The following ABCA3 variants were observed in gnomAD, a reference collection of about 807,000 sequenced individuals.
The protein encoded by ABCA3 is phospholipid-transporting ATPase ABCA3.
Under a neutral mutation model 172.8 loss-of-function variants are expected in ABCA3, and 88 were observed. The ratio of observed to expected loss-of-function variants is 0.51; its 90% CI spans 0.43 to 0.61. The LOEUF (loss-of-function observed/expected upper bound fraction) is 0.61. Ranked by LOEUF, ABCA3 falls within the 20% of genes least tolerant of loss-of-function variation. The probability of loss-of-function intolerance (pLI) is 0.00; values close to 1 mark genes in which losing one functional copy is unlikely to be tolerated. For synonymous variants in ABCA3, 1,066 were observed against 983.8 expected, an observed-to-expected ratio of 1.08 and a Z score of -1.56; for missense variants, 2,164 against 2,301.0, an observed-to-expected ratio of 0.94 and a Z score of 1.22.
At position 2,286,892 on chromosome 16, in the gene ABCA3, G is replaced by A. The variant is rs761182287; in HGVS notation, c.3080C>T (p.Ala1027Val). The A allele has an allele frequency of 5.0e-6, 8 of 1,613,996 alleles. No individual in the cohort carries two copies. The Admixed American group carries it at 6.7e-5, about 13-fold the overall frequency. Residue 1027 changes from alanine to valine, a missense_variant, in exon 22 of 33, where the codon GCG (alanine) becomes GTG (valine). This residue lies in a region of ABCA3 where 26 missense variants were observed against 49.5 expected (regional missense o/e 0.53). Transcript: ENST00000301732. This position sits in a 1 kb window ranked among gnomAD's most constrained non-coding sequence, Gnocchi z 5.2. ...GGFNERCLVA[A>V]SFRDVGERTV... The stretch of plus-strand genomic sequence containing the variant: ...GCGCTCTCCCACATCTCTGAAGGAC[G>A]CTGCCACAAGGCACCGCTCATTAAA...
intron 18 of ABCA3, among the ~76,000 whole-genome samples, chr16:2,293,338 T>C (rs1360866875): frequency 6.7e-6 from 1 of 148,770 alleles, no homozygotes; most frequent in East Asian, 2.0e-4. Flanking sequence ...GGCAATGAGC[T>C]ACCAAGCTAC....
In ABCA3 at chr16:2,287,831, C is replaced by T. The variant is rs190490648; in HGVS notation, c.3004+195G>A. Among the ~76,000 whole-genome samples, 21 of 152,314 alleles carry T rather than the reference C, an allele frequency of 1.4e-4. No individual in the cohort carries two copies. The East Asian group carries it at 2.9e-3, about 21-fold the overall frequency. ...TGATCTGCCACCCAGGGGACATCCG[C>T]AATGTTTCCAGGCATGTTTGATGGT... On this transcript the variant is annotated intron_variant, in intron 21 of 32. Transcript: ENST00000301732. The surrounding 1 kb of genome is among the most constrained non-coding windows in gnomAD (Gnocchi z 4.1).
rs1384419997 is a variant in ABCA3 at position 2,292,144 on chromosome 16, G to A, written c.2509C>T (p.Leu837Phe). 9 of 1,612,800 alleles carry A rather than the reference G, an allele frequency of 5.6e-6. No homozygotes were observed. Among genetic ancestry groups the A allele is most frequent in the Non-Finnish European group, 7.6e-6 (9 of 1,179,014 alleles). The change falls in exon 19 of 33, where the codon CTT becomes TTT. Residue 837 changes from leucine to phenylalanine, a missense_variant. This residue lies in a region of ABCA3 where 1,343 missense variants were observed against 1,369.6 expected (regional missense o/e 0.98). Transcript: ENST00000301732. ...CGGAAATGCGCATTTACTGACCGAA[G>A]GAAGACTTCCTCCATGGTGGTGATG... is the stretch of plus-strand genomic sequence containing the variant. Reference protein sequence around the residue: ...ASITTMEEVFLRVGKLVDSSM... With the variant: ...ASITTMEEVFFRVGKLVDSSM...
chr16:2,320,079 CAAA>C (rs951183106), intron 7 of ABCA3, among the ~76,000 whole-genome samples: 1 of 149,910 alleles, frequency 6.7e-6, no homozygotes, highest in Non-Finnish European at 1.5e-5. Flanking sequence ...ACACAACACA[CAAA>C]AAAAATCACA....
intron 19 of ABCA3, among the ~76,000 whole-genome samples, 166 bp downstream of exon 19, chr16:2,291,974 G>A (rs1439984724): frequency 2.6e-5 from 4 of 152,140 alleles, no homozygotes; most frequent in Non-Finnish European, 5.9e-5. Flanking sequence ...TCGGGAGGCT[G>A]AGGCAGGAGA....
At position 2,308,572 on chromosome 16, in the gene ABCA3, G is replaced by A; in HGVS notation, c.1163C>T (p.Pro388Leu). The change falls in exon 11 of 33, where the codon CCC becomes CTC. Residue 388 changes from proline to leucine, a missense_variant. Pro to Leu is a moderately conservative substitution (Grantham distance 98). This residue lies in a region of ABCA3 where 1,343 missense variants were observed against 1,369.6 expected (regional missense o/e 0.98). Transcript: ENST00000301732. ...GGFLYFFTYI[P>L]YFFVAPRYNW... ...GTACCGAGGGGCCACGAAGAAGTAGGGGATGTAGGTGAAGAAGTAGAGGAA... is the reference window on the plus strand; with the variant it reads ...GTACCGAGGGGCCACGAAGAAGTAGAGGATGTAGGTGAAGAAGTAGAGGAA... The A allele has an allele frequency of 1.2e-6, 2 of 1,614,232 alleles. No individual in the cohort carries two copies. The highest frequency in any genetic ancestry group is 8.5e-7 in the Non-Finnish European group (1 of 1,180,030).
At chr16:2,303,463 G>C (rs968709905) in intron 12 of ABCA3, among the ~76,000 whole-genome samples, 1 of 151,384 alleles carries the variant, frequency 6.6e-6, no homozygotes, top group African/African-American at 2.4e-5. Flanking sequence ...GTGGAGATGG[G>C]ATTTCACCTT....
intron 5 of ABCA3, among the ~76,000 whole-genome samples, 153 bp downstream of exon 5, chr16:2,325,857 G>A (rs1428728884): frequency 6.6e-6 from 1 of 152,224 alleles, no homozygotes; most frequent in Non-Finnish European, 1.5e-5. Context: ...CCTTTTACAG[G>A]TTGAAGTAGT....
rs770497413 is a variant in ABCA3, at chr16:2,277,713, A to G, written c.4910-43T>C. ...GGTGTTGCTGTGAGCGCCGGGCTGG[A>G]GGATCGGGGAGGGTGCCTGGGTGCT... On this transcript the variant is annotated intron_variant, in intron 31 of 32. Coordinates refer to ENST00000301732, the MANE Select transcript of ABCA3 (RefSeq NM_001089.3). This position sits in a 1 kb window ranked among gnomAD's most constrained non-coding sequence, Gnocchi z 5.3. 10 of 1,610,240 alleles carry G rather than the reference A, an allele frequency of 6.2e-6. No individual in the cohort carries two copies. The highest frequency in any genetic ancestry group is 1.1e-5 in the South Asian group (1 of 90,806).
At chr16:2,296,951 G>A (rs193134615) in intron 17 of ABCA3, among the ~76,000 whole-genome samples, 1 of 152,352 alleles carries the variant, frequency 6.6e-6, no homozygotes, top group African/African-American at 2.4e-5. Context: ...ACAGTCAGAG[G>A]TCTGGGCCCA....
intron 10 of ABCA3, among the ~76,000 whole-genome samples, chr16:2,312,779 G>A (rs1475117251): frequency 1.3e-5 from 2 of 151,654 alleles, no homozygotes; most frequent in Non-Finnish European, 2.9e-5. Context: ...TGATCTGCCC[G>A]CCTCGGCCTC....
chr16:2,285,882 A>T lies in ABCA3; in HGVS notation c.3279-236T>A, dbSNP rs186080317. 2.8e-4 allele frequency among the ~76,000 whole-genome samples: 43 copies of T among 151,996 alleles called. No homozygotes were observed. The highest frequency in any genetic ancestry group is 9.9e-4 in the African/African-American group (41 of 41,460). ...GACAATGGCAGCGTCACTCTCCCTC[A>T]TCACCCCGCTCCCAGCCCTCAGCCC... On this transcript the variant is annotated intron_variant, in intron 22 of 32. Transcript: ENST00000301732. The surrounding 1 kb of genome is among the most constrained non-coding windows in gnomAD (Gnocchi z 4.7).
intron 1 of ABCA3, among the ~76,000 whole-genome samples, chr16:2,338,984 G>A (rs561812464): frequency 6.6e-6 from 1 of 152,000 alleles, no homozygotes; most frequent in Admixed American, 6.6e-5. Flanking sequence ...TCGAACTCCT[G>A]AACTCAAGTG....
intron 8 of ABCA3, among the ~76,000 whole-genome samples, chr16:2,318,109 G>T (rs1313684416): frequency 6.6e-6 from 1 of 152,226 alleles, no homozygotes; most frequent in African/African-American, 2.4e-5. Context: ...CAGCCCTTCT[G>T]GGGGTGGGCC....
intron 7 of ABCA3, among the ~76,000 whole-genome samples, chr16:2,322,273 G>C (rs2093727272): frequency 6.6e-6 from 1 of 151,902 alleles, no homozygotes; most frequent in Non-Finnish European, 1.5e-5. Context: ...TAGAGAAAGG[G>C]CCTTTGCTAT....
intron 10 of ABCA3, among the ~76,000 whole-genome samples, chr16:2,311,993 A>C (rs1318407714): frequency 6.6e-6 from 1 of 152,182 alleles, no homozygotes; most frequent in Non-Finnish European, 1.5e-5. Flanking sequence ...ATTTTATAAC[A>C]TGATGCATTA....
At chr16:2,289,749 G>T in intron 19 of ABCA3, 129 bp from the exon 20 acceptor site, 1 of 954,610 alleles carries the variant, frequency 1.0e-6, no homozygotes, top group Non-Finnish European at 1.6e-6. Context: ...ATCTGCTTAT[G>T]TGTTTCCTCA....
rs113054875 is a variant in ABCA3 at position 2,328,946 on chromosome 16, G to T, written c.-331-189C>A. ...CCATTTTACTTTTGGTTTGGTTTCA[G>T]TCCATTGAAAATCATTTATATCAAG... On this transcript the variant is annotated intron_variant, in intron 2 of 32. Coordinates refer to ENST00000301732, the MANE Select transcript of ABCA3 (RefSeq NM_001089.3). 3.5e-3 allele frequency among the ~76,000 whole-genome samples: 520 copies of T among 149,094 alleles called. 3 individuals are homozygous for T. Among genetic ancestry groups the T allele is most frequent in the African/African-American group, 0.012 (486 of 40,526 alleles).
intron 20 of ABCA3, among the ~76,000 whole-genome samples, chr16:2,288,651 G>C (rs1384547352): frequency 6.6e-6 from 1 of 152,142 alleles, no homozygotes; most frequent in Non-Finnish European, 1.5e-5. Context: ...CACCTCCTGG[G>C]TTCCTACCTC....
Sources: gnomAD v4.1 joint callset for allele counts (sites outside exome capture counted in the v4.1 genomes callset) on GRCh38, gnomAD v4.1.1 for gene constraint, gnomAD v4.1.1 regional missense constraint, Gnocchi (gnomAD v3.1) non-coding constraint, MANE v1.5 for transcripts, NCBI Gene and HGNC (gene_info 2026-07-23, HGNC 2026-07-21) for gene names.